The following RXFP1 variants were observed in gnomAD, a reference collection of about 807,000 sequenced individuals.
RXFP1 encodes relaxin family peptide receptor 1.
Under a neutral mutation model 89.8 loss-of-function variants are expected in RXFP1, and 73 were observed. The observed-to-expected ratio is 0.81, with a 90% CI of 0.67 to 0.99. The LOEUF is 0.99. Ranked by LOEUF, RXFP1 falls within the 50% of genes least tolerant of loss-of-function variation. The pLI, the probability that RXFP1 is intolerant of heterozygous loss-of-function variation, is 0.00. For missense variants in RXFP1, 793 were observed against 895.5 expected, an observed-to-expected ratio of 0.89 and a Z score of 1.46; for synonymous variants, 277 against 305.5, an observed-to-expected ratio of 0.91 and a Z score of 0.97.
chr4:158,566,111 A>AT (rs964190734), intron 1 of RXFP1, among the ~76,000 whole-genome samples: 4 of 152,246 alleles, frequency 2.6e-5, no homozygotes. Context: ...TACAAAGGAC[A>AT]TTTTGCAGGG....
At chr4:158,578,780 CT>C (rs1351459569) in intron 2 of RXFP1, among the ~76,000 whole-genome samples, 1 of 151,880 alleles carries the variant, frequency 6.6e-6, no homozygotes, top group Non-Finnish European at 1.5e-5. Context: ...TTCTTTAGCA[CT>C]TTAGCAGCCT....
At chr4:158,601,905 T>C (rs1308872015) in intron 4 of RXFP1, among the ~76,000 whole-genome samples, 1 of 152,226 alleles carries the variant, frequency 6.6e-6, no homozygotes, top group Non-Finnish European at 1.5e-5. Context: ...ATTTTGACTA[T>C]TTGAGACTTG....
chr4:158,562,674 T>C (rs1264550113), intron 1 of RXFP1, among the ~76,000 whole-genome samples: 1 of 152,098 alleles, frequency 6.6e-6, no homozygotes, highest in Non-Finnish European at 1.5e-5. Flanking sequence ...TTGAGTTTCC[T>C]ATAACTGGGA....
intron 2 of RXFP1, among the ~76,000 whole-genome samples, chr4:158,576,774 G>C (rs115121140): frequency 6.6e-6 from 1 of 151,976 alleles, no homozygotes; most frequent in African/African-American, 2.4e-5. Flanking sequence ...AATTAATTCC[G>C]TTCAAAACCT....
At chr4:158,622,982 A>C (rs1413360313) in intron 9 of RXFP1, among the ~76,000 whole-genome samples, 3 of 152,202 alleles carry the variant, frequency 2.0e-5, no homozygotes, top group African/African-American at 7.2e-5. Flanking sequence ...ACAGTTTTTA[A>C]AAGTATGTCA....
At chr4:158,639,513 G>A (rs886527227) in intron 14 of RXFP1, among the ~76,000 whole-genome samples, 182 bp downstream of exon 14, 3 of 152,060 alleles carry the variant, frequency 2.0e-5, no homozygotes, top group East Asian at 3.9e-4. Context: ...AAGGAGGTAG[G>A]GCCTTTGGGA....
At chr4:158,607,098 T>A in intron 5 of RXFP1, 1 of 1,536,030 alleles carries the variant, frequency 6.5e-7, no homozygotes, top group Non-Finnish European at 8.7e-7. Context: ...AAGGCAGCCT[T>A]GAAATCCTTA....
At chr4:158,566,793 C>T (rs1486815688) in intron 1 of RXFP1, among the ~76,000 whole-genome samples, 1 of 152,262 alleles carries the variant, frequency 6.6e-6, no homozygotes, top group African/African-American at 2.4e-5. Flanking sequence ...GCAGCCCTTG[C>T]AGCCCTCGCT....
At chr4:158,530,134 T>G (rs1743661656) in intron 1 of RXFP1, among the ~76,000 whole-genome samples, 1 of 152,190 alleles carries the variant, frequency 6.6e-6, no homozygotes, top group South Asian at 2.1e-4. Flanking sequence ...AATTAAAACA[T>G]TATAAAATAG....
chr4:158,597,721 A>G (rs1163543064), intron 3 of RXFP1, among the ~76,000 whole-genome samples: 6 of 152,152 alleles, frequency 3.9e-5, no homozygotes, highest in African/African-American at 1.2e-4. Flanking sequence ...AAAAAAACAC[A>G]CTGGGATTAA....
At chr4:158,625,134 A>T (rs371647493) in intron 9 of RXFP1, among the ~76,000 whole-genome samples, 1 of 152,128 alleles carries the variant, frequency 6.6e-6, no homozygotes, top group East Asian at 1.9e-4. Flanking sequence ...AAATAGAAGG[A>T]AATGGCCAGT....
intron 13 of RXFP1, 29 bp downstream of exon 13, chr4:158,638,108 A>C (rs368350756): frequency 2.2e-6 from 3 of 1,337,646 alleles, no homozygotes; most frequent in Non-Finnish European, 3.2e-6. Flanking sequence ...GGATAGTTTT[A>C]TGATAAAATT....
chr4:158,567,112 G>A (rs745847342), intron 1 of RXFP1, among the ~76,000 whole-genome samples: 25 of 152,310 alleles, frequency 1.6e-4, no homozygotes, highest in South Asian at 4.1e-4. Context: ...TGGATTTCTC[G>A]TGGGGCCTTA....
At chr4:158,594,084 T>G (rs1343564271) in intron 3 of RXFP1, among the ~76,000 whole-genome samples, 2 of 152,232 alleles carry the variant, frequency 1.3e-5, no homozygotes, top group Non-Finnish European at 2.9e-5. Context: ...TTCTAATACA[T>G]TATGCAAATG....
At chr4:158,605,176 T>A in intron 5 of RXFP1, 37 bp downstream of exon 5, 1 of 1,333,956 alleles carries the variant, frequency 7.5e-7, no homozygotes, top group Non-Finnish European at 1.1e-6. Context: ...TACAATTAAC[T>A]AGCATTTTTG....
chr4:158,612,423 G>T, intron 8 of RXFP1, 61 bp downstream of exon 8: 2 of 1,220,738 alleles, frequency 1.6e-6, no homozygotes, highest in Non-Finnish European at 2.3e-6. Context: ...AAAAATTAAT[G>T]CTTAAATTTA....
chr4:158,610,679 A>G, intron 6 of RXFP1: 1 of 1,289,704 alleles, frequency 7.8e-7, no homozygotes, highest in Non-Finnish European at 1.0e-6. Context: ...AGGACTGGGC[A>G]AAACAGGTGA....
chr4:158,643,834 G>A (rs911305682), intron 14 of RXFP1, among the ~76,000 whole-genome samples: 4 of 151,870 alleles, frequency 2.6e-5, no homozygotes, highest in Non-Finnish European at 5.9e-5. Context: ...TCTCCATAGT[G>A]CCTATACTAA....
chr4:158,647,901 A>T (rs1043901070), intron 16 of RXFP1, among the ~76,000 whole-genome samples: 1 of 152,142 alleles, frequency 6.6e-6, no homozygotes, highest in Non-Finnish European at 1.5e-5. Context: ...CTGTAGTCCC[A>T]GCTACTCGGG....
Sources: gnomAD v4.1 joint callset for allele counts (sites outside exome capture counted in the v4.1 genomes callset) on GRCh38, gnomAD v4.1.1 for gene constraint, MANE v1.5 for transcripts, NCBI Gene and HGNC (gene_info 2026-07-23, HGNC 2026-07-21) for gene names.